FUT8: variants seen among roughly 807,000 people sequenced by gnomAD.
FUT8 encodes the protein fucosyltransferase 8, also known as alpha-(1,6)-fucosyltransferase.
Under a neutral mutation model 71.3 loss-of-function variants are expected in FUT8, and 29 were observed. That is an observed-to-expected ratio of 0.41 (90% CI 0.30 to 0.55). The LOEUF is 0.55. Ranked by LOEUF, FUT8 falls within the 20% of genes least tolerant of loss-of-function variation. The pLI is 0.34. For synonymous variants in FUT8, 254 were observed against 239.3 expected (o/e 1.06, Z -0.57); for missense variants, 544 against 702.1 (o/e 0.77, Z 2.55).
intron 1 of FUT8, among the ~76,000 whole-genome samples, chr14:65,453,759 G>A (rs1051143050): frequency 3.9e-5 from 6 of 152,164 alleles, no homozygotes; most frequent in Admixed American, 3.3e-4. Context: ...CCCTAAGCAT[G>A]TGTAGATTAG....
At chr14:65,617,231 A>G (rs756334209) in intron 5 of FUT8, 2 of 1,477,658 alleles carry the variant, frequency 1.4e-6, no homozygotes, top group Non-Finnish European at 1.8e-6. Flanking sequence ...CAGCAATATT[A>G]TAATGATTTT....
intron 2 of FUT8, among the ~76,000 whole-genome samples, chr14:65,537,464 T>C (rs1187858939): frequency 6.6e-6 from 1 of 152,166 alleles, no homozygotes; most frequent in Non-Finnish European, 1.5e-5. Flanking sequence ...CTCAGCTCAC[T>C]GTAAGCTCCG....
chr14:65,409,911 G>T (rs73282279), upstream of FUT8, among the ~76,000 whole-genome samples: 1 of 152,184 alleles, frequency 6.6e-6, no homozygotes, highest in African/African-American at 2.4e-5. The surrounding 1 kb of genome is among the most constrained non-coding windows in gnomAD (Gnocchi z 5.4). Flanking sequence ...AGTTTGGTGA[G>T]GGAGGGGTGG....
chr14:65,435,663 A>G (rs1286627254), intron 1 of FUT8, among the ~76,000 whole-genome samples: 1 of 150,702 alleles, frequency 6.6e-6, no homozygotes, highest in East Asian at 2.3e-4. Context: ...GCATATGTGT[A>G]ATTTTGTATG....
intron 2 of FUT8, among the ~76,000 whole-genome samples, chr14:65,538,490 TG>T (rs1434709290): frequency 1.3e-5 from 2 of 152,172 alleles, no homozygotes; most frequent in Non-Finnish European, 2.9e-5. Flanking sequence ...AGGTTCCTCC[TG>T]GCTGCATCTG....
At chr14:65,442,459 C>G (rs976030777) in intron 1 of FUT8, among the ~76,000 whole-genome samples, 2 of 151,828 alleles carry the variant, frequency 1.3e-5, no homozygotes, top group African/African-American at 4.8e-5. Flanking sequence ...AGTGAGCCAC[C>G]ACGCCTGGCC....
chr14:65,527,481 G>A lies in FUT8; in HGVS notation c.-227-33856G>A, dbSNP rs146596402. ...ATCCTTCGTCTAATCTTTTTTCAAG[G>A]TTTTTAGCTTCTTTGTGATGGGTTT... is the stretch of plus-strand genomic sequence containing the variant. On this transcript the variant is annotated intron_variant, in intron 2 of 10. Transcript: ENST00000673929. Among the ~76,000 whole-genome samples, 475 of 152,122 alleles carry A rather than the reference G, an allele frequency of 3.1e-3. 1 individual carries two copies. Among genetic ancestry groups the A allele is most frequent in the African/African-American group, 0.01 (433 of 41,508 alleles).
In FUT8 at chr14:65,603,694, A is replaced by C. The variant is rs1261624947; in HGVS notation, c.204-12284A>C. ...TATTTATCTTTTCAAAAGAACAAAA[A>C]TACACTAAAAAAAAATCCAAGGTAT... On this transcript the variant is annotated intron_variant, in intron 3 of 10. Transcript: ENST00000673929. This position sits in a 1 kb window ranked among gnomAD's most constrained non-coding sequence, Gnocchi z 4.5. Among the ~76,000 whole-genome samples, 3 of 151,712 alleles carry C rather than the reference A, an allele frequency of 2.0e-5. No homozygotes were observed. The highest frequency in any genetic ancestry group is 1.3e-4 in the Admixed American group (2 of 15,158).
At chr14:65,395,129 G>A in the FUT8 span, among the ~76,000 whole-genome samples, 6 of 152,190 alleles carry the variant, frequency 3.9e-5, no homozygotes, top group South Asian at 2.1e-4. Flanking sequence ...AGGCTCCCAC[G>A]GTCTTGGGCA....
chr14:65,537,480 C>T (rs1594750347), intron 2 of FUT8, among the ~76,000 whole-genome samples: 1 of 152,122 alleles, frequency 6.6e-6, no homozygotes, highest in Non-Finnish European at 1.5e-5. Context: ...CTCCGCCTCC[C>T]AGGTTCACGC....
chr14:65,399,285 C>A, the FUT8 span, among the ~76,000 whole-genome samples: 2 of 152,144 alleles, frequency 1.3e-5, no homozygotes, highest in African/African-American at 4.8e-5. Flanking sequence ...CCACTGCACT[C>A]CAGCTAGGGC....
chr14:65,362,162 C>A, the FUT8 span, among the ~76,000 whole-genome samples: 4 of 152,204 alleles, frequency 2.6e-5, no homozygotes, highest in Non-Finnish European at 4.4e-5. Context: ...GATTCCCAGG[C>A]TTTGCTGTTT....
chr14:65,462,471 C>G (rs1234984810), intron 2 of FUT8, among the ~76,000 whole-genome samples: 1 of 152,202 alleles, frequency 6.6e-6, no homozygotes, highest in East Asian at 1.9e-4. Context: ...CTTCCCCCTT[C>G]ATTGCCCACG....
intron 2 of FUT8, among the ~76,000 whole-genome samples, chr14:65,554,595 T>TG (rs1409866281): frequency 6.6e-6 from 1 of 152,050 alleles, no homozygotes; most frequent in African/African-American, 2.4e-5. Flanking sequence ...TGGATTGGGA[T>TG]GGGGCAGAGA....
At chr14:65,674,190 G>A (rs1292444490) in intron 7 of FUT8, among the ~76,000 whole-genome samples, 1 of 152,090 alleles carries the variant, frequency 6.6e-6, no homozygotes, top group Non-Finnish European at 1.5e-5. Flanking sequence ...TTTGATAATT[G>A]TATTAATAGA....
At chr14:65,620,175 A>G (rs1453512745) in intron 5 of FUT8, among the ~76,000 whole-genome samples, 1 of 151,846 alleles carries the variant, frequency 6.6e-6, no homozygotes, top group African/African-American at 2.4e-5. Context: ...CATTTATTTT[A>G]TTATTTTTTT....
the FUT8 span, among the ~76,000 whole-genome samples, chr14:65,380,178 A>G: frequency 6.6e-6 from 1 of 152,212 alleles, no homozygotes; most frequent in Non-Finnish European, 1.5e-5. Flanking sequence ...GAATCATGGC[A>G]GGAGGTGAAA....
At chr14:65,686,188 G>A (rs144143691) in intron 7 of FUT8, among the ~76,000 whole-genome samples, 18 of 152,300 alleles carry the variant, frequency 1.2e-4, no homozygotes, top group African/African-American at 3.6e-4. Context: ...TTTGTTGCAT[G>A]ATGGTAAACA....
chr14:65,651,626 A>T (rs773303709), intron 6 of FUT8, among the ~76,000 whole-genome samples: 1 of 152,234 alleles, frequency 6.6e-6, no homozygotes, highest in Non-Finnish European at 1.5e-5. Context: ...TATAATAATA[A>T]ATATACTCCA....
Sources: allele counts gnomAD v4.1 joint callset (sites outside exome capture counted in the v4.1 genomes callset), GRCh38; gene constraint gnomAD v4.1.1; non-coding constraint Gnocchi (gnomAD v3.1); transcripts MANE v1.5; gene names NCBI Gene and HGNC (gene_info 2026-07-23, HGNC 2026-07-21).